Variants in BARD1 observed in about 807,000 individuals in gnomAD.
The protein encoded by BARD1 is BRCA1 associated RING domain 1.
A neutral mutation model predicts 77.0 loss-of-function variants in BARD1; 73 were observed. That is an observed-to-expected ratio of 0.95 (90% CI 0.79 to 1.15). The LOEUF (loss-of-function observed/expected upper bound fraction) is 1.15, where lower values mean the gene tolerates loss of function less well. BARD1 is among the 50% of genes most tolerant of loss of function. BARD1 has a pLI of 0.00. For missense variants in BARD1, 993 were observed against 938.8 expected (o/e 1.06, Z -0.75); for synonymous variants, 384 against 338.0 (o/e 1.14, Z -1.49).
chr2:214,741,085 G>A (rs1329201271), intron 9 of BARD1, among the ~76,000 whole-genome samples: 4 of 152,016 alleles, frequency 2.6e-5, no homozygotes, highest in African/African-American at 9.7e-5. Flanking sequence ...TTGTCTTCTA[G>A]GGTCCATCTC....
chr2:214,800,349 A>C (rs547094066), intron 1 of BARD1, among the ~76,000 whole-genome samples: 13 of 152,262 alleles, frequency 8.5e-5, no homozygotes, highest in Admixed American at 7.8e-4. Flanking sequence ...TGGGGGAGGG[A>C]ACAAGAAGGA....
intron 1 of BARD1, among the ~76,000 whole-genome samples, chr2:214,803,294 C>T (rs1179091688): frequency 6.6e-6 from 1 of 152,032 alleles, no homozygotes. Flanking sequence ...TCCCCCAGCC[C>T]GACACCCGTA....
At chr2:214,804,854 T>A (rs927488540) in intron 1 of BARD1, among the ~76,000 whole-genome samples, 6 of 152,140 alleles carry the variant, frequency 3.9e-5, no homozygotes, top group Non-Finnish European at 7.4e-5. Flanking sequence ...GCAACCTGGC[T>A]CCATTTTAAA....
At chr2:214,743,214 A>G (rs1266895459) in intron 9 of BARD1, among the ~76,000 whole-genome samples, 1 of 152,196 alleles carries the variant, frequency 6.6e-6, no homozygotes, top group East Asian at 1.9e-4. Context: ...ATGAATACCA[A>G]TTGATGAAAG....
intron 6 of BARD1, among the ~76,000 whole-genome samples, chr2:214,763,358 C>T (rs1226420297): frequency 6.6e-6 from 1 of 152,124 alleles, no homozygotes; most frequent in Non-Finnish European, 1.5e-5. Context: ...ACAGACTGTT[C>T]ACTGTTCACT....
intron 2 of BARD1, among the ~76,000 whole-genome samples, chr2:214,792,944 T>C (rs931875467): frequency 6.6e-6 from 1 of 152,180 alleles, no homozygotes; most frequent in Non-Finnish European, 1.5e-5. Context: ...ACCTGGGTTA[T>C]CTAAGGACTA....
intron 1 of BARD1, among the ~76,000 whole-genome samples, chr2:214,809,116 C>T (rs897291291): frequency 6.6e-6 from 1 of 152,124 alleles, no homozygotes; most frequent in Non-Finnish European, 1.5e-5. Flanking sequence ...GAGGCGCGAC[C>T]GGGATGAACA....
At chr2:214,765,359 G>C (rs1274211537) in intron 6 of BARD1, among the ~76,000 whole-genome samples, 4 of 152,130 alleles carry the variant, frequency 2.6e-5, no homozygotes, top group Admixed American at 2.0e-4. Flanking sequence ...GTGCAGTGAC[G>C]AATCATGGTG....
rs549756873 is a variant in BARD1 at position 214,757,534 on chromosome 2, A to G, written c.1569-4979T>C. Among the ~76,000 whole-genome samples, 5 of 152,274 alleles carry G rather than the reference A, an allele frequency of 3.3e-5. No individual in the cohort carries two copies. In the East Asian group the frequency reaches 9.6e-4, roughly 29 times the overall value. ...TATGTGAAAATGGATATATGTATTA[A>G]TATACATAATGCATGATATATATAT... On this transcript the variant is annotated intron_variant, in intron 6 of 10. Coordinates refer to ENST00000260947, the MANE Select transcript of BARD1 (RefSeq NM_000465.4).
At chr2:214,760,686 C>G (rs1275900233) in intron 6 of BARD1, among the ~76,000 whole-genome samples, 1 of 152,092 alleles carries the variant, frequency 6.6e-6, no homozygotes, top group East Asian at 1.9e-4. Flanking sequence ...AATATTCTTA[C>G]AGTAACAGGA....
chr2:214,733,899 T>C (rs1217848673), intron 9 of BARD1, among the ~76,000 whole-genome samples: 1 of 152,116 alleles, frequency 6.6e-6, no homozygotes, highest in Non-Finnish European at 1.5e-5. Flanking sequence ...TGTTACAAAG[T>C]CAGTGAAAGA....
At chr2:214,757,773 A>C (rs991166598) in intron 6 of BARD1, among the ~76,000 whole-genome samples, 4 of 152,190 alleles carry the variant, frequency 2.6e-5, no homozygotes, top group Admixed American at 2.6e-4. Flanking sequence ...AGGAAAGCAG[A>C]GAGGCACACA....
At chr2:214,751,140 TA>T (rs1559393127) in intron 7 of BARD1, among the ~76,000 whole-genome samples, 6 of 45,818 alleles carry the variant, frequency 1.3e-4, no homozygotes, top group East Asian at 5.7e-4. Context: ...TATATATATA[TA>T]TATATATATA....
rs1356036720 is a variant in BARD1 at position 214,745,741 on chromosome 2, A to G, written c.1791T>C (p.Tyr597=). 2 of 1,613,956 alleles carry G rather than the reference A, an allele frequency of 1.2e-6. No homozygotes were observed. Among genetic ancestry groups the G allele is most frequent in the Non-Finnish European group, 1.7e-6 (2 of 1,179,984 alleles). ...ELAVILKAKK[Y]TEFDSTVTHV... Reference sequence around the variant, plus strand: ...CCTCACCTGTACTGTCAAACTCAGTATATTTTTTAGCCTTAAGAATTACTG... The same window carrying G: ...CCTCACCTGTACTGTCAAACTCAGTGTATTTTTTAGCCTTAAGAATTACTG... The change falls in exon 8 of 11, where the codon TAT becomes TAC. Residue 597 remains tyrosine (Y), a synonymous_variant. Coordinates refer to ENST00000260947, the MANE Select transcript of BARD1 (RefSeq NM_000465.4).
At chr2:214,785,934 G>C (rs545666717) in intron 3 of BARD1, among the ~76,000 whole-genome samples, 1 of 152,044 alleles carries the variant, frequency 6.6e-6, no homozygotes, top group South Asian at 2.1e-4. Flanking sequence ...AGAAGAGAGA[G>C]AGAGACAGAG....
chr2:214,792,832 C>T (rs1447565508), intron 2 of BARD1, among the ~76,000 whole-genome samples: 1 of 152,072 alleles, frequency 6.6e-6, no homozygotes, highest in Non-Finnish European at 1.5e-5. Context: ...CTGGGAAAGA[C>T]CTTCTGTTTT....
intron 9 of BARD1, among the ~76,000 whole-genome samples, chr2:214,741,970 T>G (rs528997313): frequency 6.6e-6 from 1 of 152,342 alleles, no homozygotes; most frequent in East Asian, 1.9e-4. Flanking sequence ...AATGTGTTGA[T>G]TATCTATAGA....
At position 214,728,018 on chromosome 2, in the gene BARD1, A is replaced by G; in HGVS notation, c.*658T>C. The G allele has an allele frequency of 4.5e-6, 1 of 222,560 alleles. No individual in the cohort carries two copies. The highest frequency in any genetic ancestry group is 9.0e-6 in the Non-Finnish European group (1 of 111,412). 13.8% of individuals were successfully genotyped at this position (222,560 alleles called of 1,614,324 possible). On this transcript the variant is annotated 3_prime_UTR_variant, in exon 11 of 11. Coordinates refer to ENST00000260947, the MANE Select transcript of BARD1 (RefSeq NM_000465.4). ...GTACAGAATAAAAATATGTACCATGAGCCTAGTGTTGATTTTTACCACACA... is the reference window on the plus strand; with the variant it reads ...GTACAGAATAAAAATATGTACCATGGGCCTAGTGTTGATTTTTACCACACA...
chr2:214,737,475 T>G (rs1035040364), intron 9 of BARD1, among the ~76,000 whole-genome samples: 2 of 152,100 alleles, frequency 1.3e-5, no homozygotes, highest in Non-Finnish European at 2.9e-5. Context: ...GCTTACTCAA[T>G]CCGACATGCT....
Sources: gnomAD v4.1 joint callset for allele counts (sites outside exome capture counted in the v4.1 genomes callset) on GRCh38, gnomAD v4.1.1 for gene constraint, MANE v1.5 for transcripts, NCBI Gene and HGNC (gene_info 2026-07-23, HGNC 2026-07-21) for gene names.